Variants in FOXJ3 observed in about 807,000 individuals in gnomAD.
The protein encoded by FOXJ3 is forkhead box protein J3.
In FOXJ3, 22 loss-of-function variants were observed where a neutral mutation model predicts 76.1. The observed-to-expected ratio is 0.29, with a 90% CI of 0.21 to 0.41. The LOEUF (loss-of-function observed/expected upper bound fraction) is 0.41, where lower values mean the gene tolerates loss of function less well. FOXJ3 is among the 10% of genes least tolerant of loss of function. The pLI is 1.00. For synonymous variants in FOXJ3, 269 were observed against 261.2 expected (o/e 1.03, Z -0.29); for missense variants, 613 against 762.1 (o/e 0.80, Z 2.30).
chr1:42,317,092 A>C (rs2124768726), intron 1 of FOXJ3, among the ~76,000 whole-genome samples: 1 of 152,304 alleles, frequency 6.6e-6, no homozygotes, highest in Middle Eastern at 3.4e-3. Flanking sequence ...TCTAGAGGTC[A>C]AGAAGCTATT....
chr1:42,216,062 A>C (rs1293150358), intron 5 of FOXJ3, among the ~76,000 whole-genome samples: 1 of 152,182 alleles, frequency 6.6e-6, no homozygotes, highest in Non-Finnish European at 1.5e-5. Flanking sequence ...AATGAAGGCA[A>C]AATAAATACA....
intron 3 of FOXJ3, among the ~76,000 whole-genome samples, chr1:42,267,696 T>G (rs775124503): frequency 6.6e-6 from 1 of 151,850 alleles, no homozygotes; most frequent in Non-Finnish European, 1.5e-5. Context: ...GCTTAATATG[T>G]TAAAGGGTCT....
intron 2 of FOXJ3, among the ~76,000 whole-genome samples, chr1:42,300,500 G>A (rs1160383966): frequency 6.6e-6 from 1 of 152,042 alleles, no homozygotes; most frequent in Non-Finnish European, 1.5e-5. Context: ...CGGTGGTTGT[G>A]CACGGTGGCT....
intron 1 of FOXJ3, among the ~76,000 whole-genome samples, chr1:42,333,295 G>GT (rs1656268495): frequency 6.6e-6 from 1 of 152,002 alleles, no homozygotes; most frequent in Non-Finnish European, 1.5e-5. Flanking sequence ...ATGTGAAAAA[G>GT]TGAGAATGCA....
chr1:42,178,858 G>A lies in FOXJ3; in HGVS notation c.*852C>T, dbSNP rs1003459278. On this transcript the variant is annotated 3_prime_UTR_variant, in exon 13 of 13. Coordinates refer to ENST00000361346, the MANE Select transcript of FOXJ3 (RefSeq NM_014947.5). ...CCTTAATGAACCCGACAGGAGCTAA[G>A]CATTCACAGAAGGTAGCAATAAATA... is the stretch of plus-strand genomic sequence containing the variant. 5 of 152,660 alleles carry A rather than the reference G, an allele frequency of 3.3e-5. No individual in the cohort carries two copies. Among genetic ancestry groups the A allele is most frequent in the African/African-American group, 1.2e-4 (5 of 41,462 alleles). The allele number at this position is 152,660 out of a possible 1,614,324, so 9.5% of individuals were successfully genotyped here.
At chr1:42,313,929 C>T (rs1654957978) in intron 1 of FOXJ3, among the ~76,000 whole-genome samples, 1 of 152,196 alleles carries the variant, frequency 6.6e-6, no homozygotes, top group South Asian at 2.1e-4. Flanking sequence ...AGATCAATCT[C>T]CTAATCTCCA....
chr1:42,258,797 C>T (rs1057426889), intron 4 of FOXJ3, among the ~76,000 whole-genome samples: 1 of 152,118 alleles, frequency 6.6e-6, no homozygotes, highest in Non-Finnish European at 1.5e-5. Context: ...TAGTGCCAAT[C>T]AATCCTTTTA....
Position 42,205,871 on chromosome 1 carries a change from A to G in FOXJ3, c.529-8T>C, listed in dbSNP as rs1474366993. 6.6e-7 allele frequency: 1 copy of G among 1,509,938 alleles called. No homozygotes were observed. Among genetic ancestry groups the G allele is most frequent in the Non-Finnish European group, 9.2e-7 (1 of 1,089,346 alleles). 93.5% of individuals were successfully genotyped at this position (1,509,938 alleles called of 1,614,324 possible). A position where few individuals can be genotyped will look rare whatever the true frequency, so the allele number is the denominator to read the frequency against. On this transcript the variant is annotated splice_polypyrimidine_tract_variant and splice_region_variant and intron_variant, in intron 5 of 12. Coordinates refer to ENST00000361346, the MANE Select transcript of FOXJ3 (RefSeq NM_014947.5). ...GCTATATGGAGTTGAGGCCTAAAATACAAGAACAAAATAAATAATTATTAG... is the reference window on the plus strand; with the variant it reads ...GCTATATGGAGTTGAGGCCTAAAATGCAAGAACAAAATAAATAATTATTAG...
chr1:42,247,629 T>G (rs1649655114), intron 4 of FOXJ3, among the ~76,000 whole-genome samples: 1 of 152,176 alleles, frequency 6.6e-6, no homozygotes, highest in Admixed American at 6.6e-5. Flanking sequence ...AAAAAGACAT[T>G]TAATAACTAC....
Position 42,324,104 on chromosome 1 carries a change from G to GTATATATAGTGTATATATACACTA in FOXJ3, c.-18+10954_-18+10955insTAGTGTATATATACACTATATATA, listed in dbSNP as rs1557725916. On this transcript the variant is annotated intron_variant, in intron 1 of 12. Coordinates refer to ENST00000361346, the MANE Select transcript of FOXJ3 (RefSeq NM_014947.5). ...AGTATATATACTGTATATATACTGT[G>GTATATATAGTGTATATATACACTA]TATATACACTGTATATACACAGTGT... Among the ~76,000 whole-genome samples, 7 of 88,956 alleles carry GTATATATAGTGTATATATACACTA rather than the reference G, an allele frequency of 7.9e-5. 1 individual carries two copies. Among genetic ancestry groups the GTATATATAGTGTATATATACACTA allele is most frequent in the Admixed American group, 2.6e-4 (2 of 7,630 alleles). The allele number at this position is 88,956 out of a possible 152,430, so 58.4% of individuals were successfully genotyped here. A position where few individuals can be genotyped will look rare whatever the true frequency, so the allele number is the denominator to read the frequency against.
chr1:42,305,816 C>T (rs1287489088), intron 2 of FOXJ3, among the ~76,000 whole-genome samples: 1 of 152,080 alleles, frequency 6.6e-6, no homozygotes, highest in Non-Finnish European at 1.5e-5. Flanking sequence ...AGGGTGACTA[C>T]AGTCAGTAAT....
intron 4 of FOXJ3, among the ~76,000 whole-genome samples, chr1:42,243,043 T>C (rs966841608): frequency 5.9e-5 from 9 of 152,196 alleles, no homozygotes; most frequent in African/African-American, 2.2e-4. Context: ...TATATTCAAG[T>C]GCTGGAAGAA....
chr1:42,220,121 A>AGGG (rs946070478), intron 5 of FOXJ3, among the ~76,000 whole-genome samples: 11 of 152,298 alleles, frequency 7.2e-5, no homozygotes, highest in African/African-American at 2.4e-4. Context: ...TGAAATCACT[A>AGGG]CCCATATGCA....
At chr1:42,272,757 A>T (rs1651952872) in intron 3 of FOXJ3, among the ~76,000 whole-genome samples, 1 of 152,240 alleles carries the variant, frequency 6.6e-6, no homozygotes, top group South Asian at 2.1e-4. Flanking sequence ...AAATGAAGCC[A>T]GACAAGTTAA....
intron 8 of FOXJ3, among the ~76,000 whole-genome samples, chr1:42,192,267 C>T (rs1404074315): frequency 6.6e-6 from 1 of 151,994 alleles, no homozygotes; most frequent in Non-Finnish European, 1.5e-5. Context: ...TTGTTTATGC[C>T]AAATAGGGAA....
At chr1:42,239,344 T>G (rs1648946543) in intron 4 of FOXJ3, among the ~76,000 whole-genome samples, 1 of 152,214 alleles carries the variant, frequency 6.6e-6, no homozygotes. Flanking sequence ...AATCTCAGAG[T>G]ATAATATAAA....
At chr1:42,324,335 T>C (rs1347123165) in intron 1 of FOXJ3, among the ~76,000 whole-genome samples, 1 of 126,842 alleles carries the variant, frequency 7.9e-6, no homozygotes, top group African/African-American at 3.5e-5. Flanking sequence ...ATATAACATA[T>C]ACACTATATA....
chr1:42,327,719 CAAGGTTTTTAAT>C (rs1351827861), intron 1 of FOXJ3, among the ~76,000 whole-genome samples: 1 of 151,982 alleles, frequency 6.6e-6, no homozygotes, highest in Non-Finnish European at 1.5e-5. Context: ...TTCCAATTTA[CAAGGTTTTTAAT>C]AAGGTCACAC....
At chr1:42,197,460 G>C (rs1646673783) in intron 7 of FOXJ3, among the ~76,000 whole-genome samples, 1 of 152,056 alleles carries the variant, frequency 6.6e-6, no homozygotes, top group Admixed American at 6.6e-5. Context: ...TTGCCATAAT[G>C]TATCTAGATA....
Sources: allele counts gnomAD v4.1 joint callset (sites outside exome capture counted in the v4.1 genomes callset), GRCh38; gene constraint gnomAD v4.1.1; transcripts MANE v1.5; gene names NCBI Gene and HGNC (gene_info 2026-07-23, HGNC 2026-07-21).